The following CHMP4B variants were observed in gnomAD, a reference collection of about 807,000 sequenced individuals.
CHMP4B encodes the protein SNF7 homolog associated with Alix 1.
A neutral mutation model predicts 25.1 loss-of-function variants in CHMP4B; 1 was observed. The ratio of observed to expected loss-of-function variants is 0.04; its 90% CI spans 0.01 to 0.19. CHMP4B has a LOEUF of 0.19. Ranked by LOEUF, CHMP4B falls within the 10% of genes least tolerant of loss-of-function variation. CHMP4B has a pLI of 1.00. For missense variants in CHMP4B, 151 were observed against 289.7 expected, an observed-to-expected ratio of 0.52 and a Z score of 3.48; for synonymous variants, 101 against 115.6, an observed-to-expected ratio of 0.87 and a Z score of 0.81.
At chr20:33,852,502 C>T (rs888638180) in intron 4 of CHMP4B, among the ~76,000 whole-genome samples, 5 of 152,092 alleles carry the variant, frequency 3.3e-5, no homozygotes, top group Non-Finnish European at 1.5e-5. Context: ...TTGTCCGGTG[C>T]ACTGTGGATG....
intron 1 of CHMP4B, among the ~76,000 whole-genome samples, chr20:33,829,615 C>T (rs1227550483): frequency 6.6e-6 from 1 of 152,188 alleles, no homozygotes; most frequent in African/African-American, 2.4e-5. Flanking sequence ...CCCAGAAAGA[C>T]TTTCCTGATC....
chr20:33,830,933 G>GATTTTTTTTTTT (rs1555792006), intron 1 of CHMP4B, among the ~76,000 whole-genome samples: 1 of 102,524 alleles, frequency 9.8e-6, no homozygotes, highest in African/African-American at 3.7e-5. Flanking sequence ...AAGGAACAGA[G>GATTTTTTTTTTT]TTTTTTTTTT....
At position 33,853,943 on chromosome 20, in the gene CHMP4B, G is replaced by A. The variant is rs1979933960; in HGVS notation, c.*383G>A. The A allele has an allele frequency of 3.1e-6, 1 of 323,792 alleles. No individual in the cohort carries two copies. Among genetic ancestry groups the A allele is most frequent in the African/African-American group, 2.1e-5 (1 of 46,904 alleles). The allele number at this position is 323,792 out of a possible 1,614,324, so 20.1% of individuals were successfully genotyped here. The stretch of plus-strand genomic sequence containing the variant: ...TAGCCTCTGTCCTTGTAAGTCAGTT[G>A]ACTTGCCGCACATCTCTTTGTGTAC... On this transcript the variant is annotated 3_prime_UTR_variant, in exon 5 of 5. Transcript: ENST00000217402.
chr20:33,829,771 T>TA (rs1979189842), intron 1 of CHMP4B, among the ~76,000 whole-genome samples: 1 of 152,132 alleles, frequency 6.6e-6, no homozygotes, highest in African/African-American at 2.4e-5. Context: ...TCTCCGGAGA[T>TA]AGTTTAAGAC....
intron 1 of CHMP4B, among the ~76,000 whole-genome samples, chr20:33,817,300 G>C (rs545638841): frequency 6.6e-6 from 1 of 152,360 alleles, no homozygotes; most frequent in South Asian, 2.1e-4. Context: ...CTATGTGTTG[G>C]CTATCCAAAC....
intron 1 of CHMP4B, among the ~76,000 whole-genome samples, chr20:33,830,075 A>G (rs1979197502): frequency 6.6e-6 from 1 of 152,228 alleles, no homozygotes; most frequent in Admixed American, 6.5e-5. Flanking sequence ...AACCAGAACC[A>G]GGTCTCACGT....
chr20:33,852,391 G>A (rs1389639914), intron 4 of CHMP4B, among the ~76,000 whole-genome samples, 188 bp downstream of exon 4: 1 of 150,162 alleles, frequency 6.7e-6, no homozygotes, highest in East Asian at 2.0e-4. Flanking sequence ...CATGTCACCT[G>A]GCTTTTTCTG....
chr20:33,827,866 G>A (rs1021336374), intron 1 of CHMP4B, among the ~76,000 whole-genome samples: 10 of 152,214 alleles, frequency 6.6e-5, no homozygotes, highest in African/African-American at 2.4e-4. Flanking sequence ...GGATCATGAA[G>A]AAAGGAACCA....
At chr20:33,833,057 G>C (rs1979300450) in intron 1 of CHMP4B, among the ~76,000 whole-genome samples, 1 of 151,898 alleles carries the variant, frequency 6.6e-6, no homozygotes, top group Admixed American at 6.6e-5. Context: ...CCAAAGTGCT[G>C]GGATTGTAGG....
chr20:33,819,496 A>G (rs1240131742), intron 1 of CHMP4B, among the ~76,000 whole-genome samples: 1 of 152,198 alleles, frequency 6.6e-6, no homozygotes, highest in African/African-American at 2.4e-5. Flanking sequence ...GAATGATTTA[A>G]GTTCTTAACA....
At chr20:33,815,281 A>T (rs1358607075) in intron 1 of CHMP4B, among the ~76,000 whole-genome samples, 3 of 152,212 alleles carry the variant, frequency 2.0e-5, no homozygotes, top group Non-Finnish European at 4.4e-5. Context: ...GCTTGCCATT[A>T]TCATTATTAC....
At chr20:33,831,430 G>C (rs1030778872) in intron 1 of CHMP4B, among the ~76,000 whole-genome samples, 2 of 149,666 alleles carry the variant, frequency 1.3e-5, no homozygotes, top group African/African-American at 2.5e-5. Flanking sequence ...AGGTTTCGCT[G>C]TGTTGGCCAG....
intron 1 of CHMP4B, among the ~76,000 whole-genome samples, chr20:33,847,848 T>C (rs1271360927): frequency 6.6e-6 from 1 of 152,210 alleles, no homozygotes; most frequent in South Asian, 2.1e-4. Flanking sequence ...GTTGTTGCTG[T>C]GTGTTGCCAT....
At chr20:33,832,497 T>C (rs1201030611) in intron 1 of CHMP4B, among the ~76,000 whole-genome samples, 1 of 152,198 alleles carries the variant, frequency 6.6e-6, no homozygotes, top group East Asian at 1.9e-4. Context: ...CTTTTTAAAA[T>C]ATAACTGTCT....
At chr20:33,843,518 C>T (rs113097143) in intron 1 of CHMP4B, among the ~76,000 whole-genome samples, 33 of 152,222 alleles carry the variant, frequency 2.2e-4, no homozygotes, top group African/African-American at 3.4e-4. Context: ...CTCTTTAACT[C>T]GGTACTTGTT....
intron 1 of CHMP4B, among the ~76,000 whole-genome samples, chr20:33,845,386 G>A (rs1015756231): frequency 2.0e-5 from 3 of 151,058 alleles, no homozygotes; most frequent in Admixed American, 6.6e-5. Context: ...TCAGTGGCAC[G>A]GTCTCAGCTC....
chr20:33,848,377 C>T, intron 1 of CHMP4B, 90 bp from the exon 2 acceptor site: 1 of 1,291,488 alleles, frequency 7.7e-7, no homozygotes, highest in Non-Finnish European at 1.1e-6. Flanking sequence ...AACAGAGGTG[C>T]TTCCAGTAGA....
At chr20:33,840,254 A>C (rs966233809) in intron 1 of CHMP4B, among the ~76,000 whole-genome samples, 1 of 151,844 alleles carries the variant, frequency 6.6e-6, no homozygotes, top group Admixed American at 6.6e-5. Flanking sequence ...TCAAAAAAAA[A>C]AAAGGGGGGG....
intron 2 of CHMP4B, among the ~76,000 whole-genome samples, chr20:33,850,109 T>C (rs1979804893): frequency 6.6e-6 from 1 of 152,226 alleles, no homozygotes. Context: ...GTCATGCCCC[T>C]TAATTTACAT....
Sources: gnomAD v4.1 joint callset for allele counts (sites outside exome capture counted in the v4.1 genomes callset) on GRCh38, gnomAD v4.1.1 for gene constraint, MANE v1.5 for transcripts, NCBI Gene and HGNC (gene_info 2026-07-23, HGNC 2026-07-21) for gene names.